Variants in SUCO observed in about 807,000 individuals in gnomAD.
SUCO encodes SUN domain containing ossification factor.
In SUCO, 57 loss-of-function variants were observed where a neutral mutation model predicts 148.1. That is an observed-to-expected ratio of 0.38 (90% CI 0.31 to 0.48). The LOEUF is 0.48. SUCO is among the 20% of genes least tolerant of loss of function. The pLI, the probability that SUCO is intolerant of heterozygous loss-of-function variation, is 0.96. For synonymous variants in SUCO, 470 were observed against 502.7 expected (o/e 0.93, Z 0.87); for missense variants, 1,331 against 1,468.2 (o/e 0.91, Z 1.53).
intron 15 of SUCO, among the ~76,000 whole-genome samples, chr1:172,583,826 C>T: frequency 6.6e-6 from 1 of 152,110 alleles, no homozygotes; most frequent in East Asian, 1.9e-4. Flanking sequence ...CATCACATTA[C>T]TGGAAGGAAG....
intron 6 of SUCO, among the ~76,000 whole-genome samples, chr1:172,558,589 A>G (rs922161089): frequency 2.6e-5 from 4 of 152,300 alleles, no homozygotes; most frequent in African/African-American, 7.2e-5. Flanking sequence ...TTCACTTACG[A>G]CTAACTAAAC....
At chr1:172,608,552 A>C (rs971008767) in intron 22 of SUCO, 195 bp from the exon 23 acceptor site, 1 of 588,238 alleles carries the variant, frequency 1.7e-6, no homozygotes. Context: ...GAATCATATC[A>C]TCTTCCACCT....
chr1:172,584,798 T>A (rs896080326), intron 15 of SUCO, among the ~76,000 whole-genome samples: 1 of 152,198 alleles, frequency 6.6e-6, no homozygotes, highest in African/African-American at 2.4e-5. Flanking sequence ...TATATTTAAA[T>A]ATAAAATTCC....
chr1:172,588,842 G>A lies in SUCO; in HGVS notation c.1741G>A (p.Val581Ile). ...TPKESPIVQL[V>I]QEEEEEASPS... ...AAAAGAGAGTCCCATTGTACAGTTA[G>A]TTCAAGAGGAGGAAGAGGAGGCAAG... Residue 581 changes from valine to isoleucine, a missense_variant, in exon 18 of 24, where the codon GTT becomes ATT. Val to Ile is a conservative substitution (Grantham distance 29, BLOSUM62 3). Coordinates refer to ENST00000263688, the MANE Select transcript of SUCO (RefSeq NM_014283.5). The A allele has an allele frequency of 6.2e-7, 1 of 1,612,064 alleles. No individual in the cohort carries two copies. The highest frequency in any genetic ancestry group is 8.5e-7 in the Non-Finnish European group (1 of 1,179,036).
At chr1:172,561,686 A>G (rs1046962978) in intron 6 of SUCO, among the ~76,000 whole-genome samples, 39 of 152,118 alleles carry the variant, frequency 2.6e-4, no homozygotes, top group African/African-American at 8.2e-4. Context: ...CCAGTGCTCA[A>G]AAGGGTTCAA....
intron 19 of SUCO, among the ~76,000 whole-genome samples, chr1:172,592,924 C>G (rs891840878): frequency 1.1e-4 from 17 of 152,170 alleles, no homozygotes; most frequent in African/African-American, 3.9e-4. Flanking sequence ...GGATGTTCTT[C>G]CATTTGTTTG....
chr1:172,593,424 C>G (rs1212457440), intron 19 of SUCO, among the ~76,000 whole-genome samples: 1 of 152,106 alleles, frequency 6.6e-6, no homozygotes, highest in Non-Finnish European at 1.5e-5. Context: ...TCATAAATAG[C>G]TCTTATTATT....
chr1:172,569,387 C>A, intron 7 of SUCO: 1 of 978,228 alleles, frequency 1.0e-6, no homozygotes, highest in Non-Finnish European at 1.2e-6. Flanking sequence ...TAAGGCATAG[C>A]AGTGATTTTC....
rs1383386425 is a variant in SUCO at position 172,609,831 on chromosome 1, T to C, written c.3337T>C (p.Tyr1113His). ...TGTGTTGTAGAAGAAGCGCTGCAAG[T>C]ACAAAATTGAAAAAATTGAGACCAT... is the stretch of plus-strand genomic sequence containing the variant. ...SPEKKKKRCK[Y>H]KIEKIETIKP... Residue 1113 changes from tyrosine (Y) to histidine (H), a missense_variant, in exon 24 of 24, where the codon TAC becomes CAC. Tyr to His is a moderately conservative substitution (Grantham distance 83). Transcript: ENST00000263688. The C allele has an allele frequency of 1.3e-6, 2 of 1,597,132 alleles. No individual in the cohort carries two copies. Among genetic ancestry groups the C allele is most frequent in the Non-Finnish European group, 8.5e-7 (1 of 1,175,160 alleles).
intron 12 of SUCO, 60 bp downstream of exon 12, chr1:172,577,619 A>G (rs1655546731): frequency 2.5e-6 from 4 of 1,595,352 alleles, no homozygotes; most frequent in Non-Finnish European, 3.4e-6. Flanking sequence ...AATGCATTAC[A>G]AAAACTTTAC....
rs1413621982 is a variant in SUCO, at chr1:172,590,918, T to C, written c.2826-66T>C. 19 of 1,123,034 alleles carry C rather than the reference T, an allele frequency of 1.7e-5. 1 individual carries two copies. The highest frequency in any genetic ancestry group is 2.8e-5 in the South Asian group (2 of 72,370). The allele number at this position is 1,123,034 out of a possible 1,614,324, so 69.6% of individuals were successfully genotyped here. The stretch of plus-strand genomic sequence containing the variant: ...GTCTCATATATCAAAATCAGAAGTA[T>C]GTTTCCATTACTAAGTGGAATAAGT... On this transcript the variant is annotated intron_variant, in intron 18 of 23. Coordinates refer to ENST00000263688, the MANE Select transcript of SUCO (RefSeq NM_014283.5).
At position 172,575,259 on chromosome 1, in the gene SUCO, C is replaced by A. The variant is rs1266079523; in HGVS notation, c.1158-259C>A. 5.9e-5 allele frequency among the ~76,000 whole-genome samples: 9 copies of A among 151,934 alleles called. No individual in the cohort carries two copies. The South Asian group carries it at 8.3e-4, about 14-fold the overall frequency. ...TTGGTGACTTTCTGTTATAAAACCT[C>A]CTCCCAAACCCCAAGAAGTGGTACT... On this transcript the variant is annotated intron_variant, in intron 10 of 23. Transcript: ENST00000263688.
chr1:172,572,980 A>G (rs182053268), intron 9 of SUCO, among the ~76,000 whole-genome samples: 3 of 152,206 alleles, frequency 2.0e-5, no homozygotes, highest in Non-Finnish European at 4.4e-5. Context: ...CTAAGCAGCA[A>G]TATTTTTGGC....
intron 13 of SUCO, 123 bp downstream of exon 13, chr1:172,577,942 G>GT: frequency 1.5e-6 from 1 of 669,660 alleles, no homozygotes; most frequent in Non-Finnish European, 2.4e-6. Context: ...AATAAAAACT[G>GT]TGAAACCTTT....
chr1:172,584,971 A>C (rs1272166849), intron 15 of SUCO, 47 bp from the exon 16 acceptor site: 13 of 1,209,988 alleles, frequency 1.1e-5, no homozygotes, highest in Non-Finnish European at 1.5e-5. Flanking sequence ...AATTTATATT[A>C]GAATATTTAG....
rs1350834483 is a variant in SUCO at position 172,533,215 on chromosome 1, C to T, written c.-221C>T. ...AGCCGGTGGCTGCAGCGGCGGCGGT[C>T]CCCGGAGTCCTGTGAAGCGCCCCTG... On this transcript the variant is annotated 5_prime_UTR_variant, in exon 1 of 24. Coordinates refer to ENST00000263688, the MANE Select transcript of SUCO (RefSeq NM_014283.5). 18 of 1,526,064 alleles carry T rather than the reference C, an allele frequency of 1.2e-5. No homozygotes were observed. Among genetic ancestry groups the T allele is most frequent in the East Asian group, 2.5e-5 (1 of 40,182 alleles). The allele number at this position is 1,526,064 out of a possible 1,614,324, so 94.5% of individuals were successfully genotyped here. A position where few individuals can be genotyped will look rare whatever the true frequency, so the allele number is the denominator to read the frequency against.
At position 172,553,277 on chromosome 1, in the gene SUCO, TA is replaced by T; in HGVS notation, c.196del (p.Ile66SerfsTer22). The T allele has an allele frequency of 6.3e-7, 1 of 1,585,604 alleles. No homozygotes were observed. The highest frequency in any genetic ancestry group is 8.6e-7 in the Non-Finnish European group (1 of 1,159,736). On this transcript the variant is annotated frameshift_variant, in exon 3 of 24. Coordinates refer to ENST00000263688, the MANE Select transcript of SUCO (RefSeq NM_014283.5). LOFTEE classifies it high-confidence loss of function. ...FQKKDEREGP[I>X]NAESLGKSGS... ...TTATATAGGATGAAAGAGAGGGACC[TA>T]TCAATGCCGAATCATTGGGAAAATC...
intron 1 of SUCO, among the ~76,000 whole-genome samples, chr1:172,545,320 G>T (rs1652775121): frequency 6.6e-6 from 1 of 152,104 alleles, no homozygotes; most frequent in Non-Finnish European, 1.5e-5. Flanking sequence ...AAAAGATAAG[G>T]GCTGAAGATA....
In SUCO at chr1:172,569,057, A is replaced by G. The variant is rs201062317; in HGVS notation, c.771A>G (p.Thr257=). ...CAAAACCAGGAGACATTGACCCTAC[A>G]TCAGTAGCAAGTCCCAAAGATCCAG... ...DYTKPGDIDP[T]SVASPKDPED... is the part of the protein sequence containing the mutation. Residue 257 remains threonine (T), a synonymous_variant, in exon 7 of 24, where the codon ACA becomes ACG. Transcript: ENST00000263688. The G allele has an allele frequency of 3.1e-6, 5 of 1,600,260 alleles. No homozygotes were observed. Among genetic ancestry groups the G allele is most frequent in the Non-Finnish European group, 4.3e-6 (5 of 1,176,206 alleles).
Sources: gnomAD v4.1 joint callset for allele counts (sites outside exome capture counted in the v4.1 genomes callset) on GRCh38, gnomAD v4.1.1 for gene constraint, MANE v1.5 for transcripts, NCBI Gene and HGNC (gene_info 2026-07-23, HGNC 2026-07-21) for gene names.